Variants in SFSWAP observed in about 807,000 individuals in gnomAD.
SFSWAP encodes the protein splicing factor SWAP, also known as splicing factor, suppressor of white-apricot homolog.
A neutral mutation model predicts 100.7 loss-of-function variants in SFSWAP; 17 were observed. That is an observed-to-expected ratio of 0.17 (90% CI 0.12 to 0.25). The LOEUF (loss-of-function observed/expected upper bound fraction) is 0.25. Ranked by LOEUF, SFSWAP falls within the 10% of genes least tolerant of loss-of-function variation. SFSWAP has a pLI of 1.00. For missense variants in SFSWAP, 1,005 were observed against 1,262.6 expected (o/e 0.80, Z 3.09); for synonymous variants, 504 against 510.1 (o/e 0.99, Z 0.16).
intron 15 of SFSWAP, 33 bp from the exon 16 acceptor site, chr12:131,797,145 G>C (rs1885733897): frequency 6.3e-7 from 1 of 1,589,124 alleles, no homozygotes; most frequent in East Asian, 2.2e-5. Context: ...TTAAACCAAA[G>C]CTGCATCTCT....
Position 131,786,454 on chromosome 12 carries a change from C to A in SFSWAP, c.2409-9C>A. 1 of 1,584,780 alleles carries A rather than the reference C, an allele frequency of 6.3e-7. No individual in the cohort carries two copies. ...CACAGAGCTGAACACTGCCTCCTCC[C>A]CTGTCCAGGTCCCGCTCCCGGTCCC... On this transcript the variant is annotated splice_polypyrimidine_tract_variant and intron_variant, in intron 14 of 17. Transcript: ENST00000261674.
At chr12:131,748,906 T>C (rs1881373191) in intron 7 of SFSWAP, among the ~76,000 whole-genome samples, 1 of 152,238 alleles carries the variant, frequency 6.6e-6, no homozygotes, top group Admixed American at 6.5e-5. Context: ...TACGTCAGCA[T>C]TTAACTTAGT....
rs1053286230 is a variant in SFSWAP at position 131,733,114 on chromosome 12, C to T, written c.1081+4686C>T. On this transcript the variant is annotated intron_variant, in intron 7 of 17. Coordinates refer to ENST00000261674, the MANE Select transcript of SFSWAP (RefSeq NM_004592.4). This position sits in a 1 kb window ranked among gnomAD's most constrained non-coding sequence, Gnocchi z 5.1. ...GGCCCGCGTTTCAGACCACTGCCAA[C>T]CATGGACACCAGAGACAAGACAAAG... 1.3e-5 allele frequency among the ~76,000 whole-genome samples: 2 copies of T among 152,198 alleles called. No homozygotes were observed. The highest frequency in any genetic ancestry group is 6.5e-5 in the Admixed American group (1 of 15,276).
At chr12:131,719,662 T>C (rs1878283139) in intron 4 of SFSWAP, 123 bp downstream of exon 4, 2 of 740,482 alleles carry the variant, frequency 2.7e-6, no homozygotes, top group Middle Eastern at 2.4e-4. Context: ...TAAAATGGTT[T>C]GTGAGTTAAT....
At chr12:131,747,612 A>G (rs1031730597) in intron 7 of SFSWAP, among the ~76,000 whole-genome samples, 13 of 152,126 alleles carry the variant, frequency 8.5e-5, no homozygotes, top group African/African-American at 3.1e-4. Context: ...GAGGCTGTAC[A>G]CATGGAGGGC....
intron 12 of SFSWAP, 71 bp from the exon 13 acceptor site, chr12:131,766,047 C>A: frequency 6.8e-7 from 1 of 1,467,890 alleles, no homozygotes; most frequent in Non-Finnish European, 9.2e-7. Context: ...CTTTTGCAAC[C>A]TGTGAAAATT....
chr12:131,719,670 A>C, intron 4 of SFSWAP, 131 bp downstream of exon 4: 1 of 703,794 alleles, frequency 1.4e-6, no homozygotes, highest in South Asian at 1.8e-5. Flanking sequence ...TTTGTGAGTT[A>C]ATGGAGAAAA....
chr12:131,773,224 T>C (rs926215674), intron 13 of SFSWAP, among the ~76,000 whole-genome samples: 2 of 152,208 alleles, frequency 1.3e-5, no homozygotes, highest in African/African-American at 4.8e-5. Context: ...TCATTCCTAG[T>C]GTGTGTTCGT....
At position 131,730,705 on chromosome 12, in the gene SFSWAP, G is replaced by A. The variant is rs1390525435; in HGVS notation, c.1081+2277G>A. Among the ~76,000 whole-genome samples the A allele has an allele frequency of 6.6e-6, 1 of 152,096 alleles. No individual in the cohort carries two copies. Among genetic ancestry groups the A allele is most frequent in the Non-Finnish European group, 1.5e-5 (1 of 68,004 alleles). ...CCGAGACCACTGATAAGCCGTGACAGCCTCTGCAGGAACCCTAAGCTTACT... is the reference window on the plus strand; with the variant it reads ...CCGAGACCACTGATAAGCCGTGACAACCTCTGCAGGAACCCTAAGCTTACT... On this transcript the variant is annotated intron_variant, in intron 7 of 17. Transcript: ENST00000261674. The surrounding 1 kb of genome is among the most constrained non-coding windows in gnomAD (Gnocchi z 4.0).
At chr12:131,737,126 G>T (rs560542960) in intron 7 of SFSWAP, among the ~76,000 whole-genome samples, 188 of 152,354 alleles carry the variant, frequency 1.2e-3, no homozygotes, top group African/African-American at 4.3e-3. Flanking sequence ...TGCTCTCGCG[G>T]TGGGCTGCAG....
chr12:131,755,486 G>T lies in SFSWAP; in HGVS notation c.1548+7G>T, dbSNP rs1188927348. 5.6e-6 allele frequency: 9 copies of T among 1,597,500 alleles called. No homozygotes were observed. Among genetic ancestry groups the T allele is most frequent in the Non-Finnish European group, 7.7e-6 (9 of 1,165,134 alleles). On this transcript the variant is annotated splice_region_variant and intron_variant, in intron 10 of 17. Transcript: ENST00000261674. ...AGGGGGCGATAGCATGCAGGTACGT[G>T]TCTGAATGCAGGGAGGCTGTGAAGC...
At position 131,778,184 on chromosome 12, in the gene SFSWAP, A is replaced by G. The variant is rs367856010; in HGVS notation, c.2262A>G (p.Lys754=). The change falls in exon 14 of 18, where the codon AAA becomes AAG. Residue 754 remains lysine, a synonymous_variant. Transcript: ENST00000261674. This position sits in a 1 kb window ranked among gnomAD's most constrained non-coding sequence, Gnocchi z 4.2. ...KSKDPPREEE[K]EKKKKKHKKR... is the part of the protein sequence containing the mutation. Reference sequence around the variant, plus strand: ...AAGATCCACCGAGAGAAGAAGAGAAAGAAAAGAAAAAGAAAAAGCACAAAA... The same window carrying G: ...AAGATCCACCGAGAGAAGAAGAGAAGGAAAAGAAAAAGAAAAAGCACAAAA... 1.8e-5 allele frequency: 29 copies of G among 1,613,982 alleles called. No individual in the cohort carries two copies. In the African/African-American group the frequency reaches 3.3e-4, roughly 19 times the overall value.
At chr12:131,785,836 G>C (rs138338900) in intron 14 of SFSWAP, 2 of 153,190 alleles carry the variant, frequency 1.3e-5, no homozygotes, top group African/African-American at 4.8e-5. Flanking sequence ...AAGGTTTCAG[G>C]CTTCATGCCA....
chr12:131,792,189 CTGTG>C (rs1157314762), intron 15 of SFSWAP, among the ~76,000 whole-genome samples: 1 of 149,156 alleles, frequency 6.7e-6, no homozygotes, highest in African/African-American at 2.5e-5. Flanking sequence ...CAGATCATTA[CTGTG>C]TGTGCGCCCG....
Position 131,725,496 on chromosome 12 carries a change from A to G in SFSWAP, c.698A>G (p.Lys233Arg), listed in dbSNP as rs759518540. 9.9e-6 allele frequency: 16 copies of G among 1,614,092 alleles called. No homozygotes were observed. The South Asian group carries it at 1.3e-4, about 13-fold the overall frequency. ...CAGTTTGAGATCATGCTGAAGGCCA[A>G]GCAGGCCCGGAACTCCCAGTTTGAC... ...GAQFEIMLKA[K>R]QARNSQFDFL... Residue 233 changes from lysine (K) to arginine (R), a missense_variant, in exon 5 of 18, where the codon AAG becomes AGG. Transcript: ENST00000261674. This position sits in a 1 kb window ranked among gnomAD's most constrained non-coding sequence, Gnocchi z 4.3.
Position 131,719,471 on chromosome 12 carries a change from A to C in SFSWAP, c.538A>C (p.Asn180His). The C allele has an allele frequency of 6.2e-7, 1 of 1,614,060 alleles. No individual in the cohort carries two copies. The highest frequency in any genetic ancestry group is 8.5e-7 in the Non-Finnish European group (1 of 1,179,996). ...TTATGCAGAAAAAAATGAGGCCGAA[A>C]ATTTAGAGGAAAATGAAGAGCCCTT... ...SKQREKNEAE[N>H]LEENEEPFVA... Residue 180 changes from asparagine (N) to histidine (H), a missense_variant, in exon 4 of 18, where the codon AAT (asparagine) becomes CAT (histidine). By Grantham distance (68) the Asn-to-His change is moderately conservative (BLOSUM62 1). This residue lies in a region of SFSWAP where 237 missense variants were observed against 337.0 expected (regional missense o/e 0.70). Coordinates refer to ENST00000261674, the MANE Select transcript of SFSWAP (RefSeq NM_004592.4).
intron 6 of SFSWAP, among the ~76,000 whole-genome samples, chr12:131,727,952 T>C (rs1046523942): frequency 2.6e-5 from 4 of 152,230 alleles, no homozygotes; most frequent in African/African-American, 7.2e-5. Context: ...GGAAAAGCTA[T>C]TGGTGATTAA....
intron 7 of SFSWAP, among the ~76,000 whole-genome samples, chr12:131,752,541 T>C (rs1881754116): frequency 6.6e-6 from 1 of 152,230 alleles, no homozygotes; most frequent in Non-Finnish European, 1.5e-5. Context: ...TGGGAACTTT[T>C]ATTTACTGAA....
At chr12:131,788,319 C>T (rs1232855887) in intron 15 of SFSWAP, among the ~76,000 whole-genome samples, 1 of 152,200 alleles carries the variant, frequency 6.6e-6, no homozygotes, top group Non-Finnish European at 1.5e-5. Flanking sequence ...GGGTTAGACT[C>T]AGTGCAGTGC....
Sources: allele counts gnomAD v4.1 joint callset (sites outside exome capture counted in the v4.1 genomes callset), GRCh38; gene constraint gnomAD v4.1.1; regional missense constraint gnomAD v4.1.1; non-coding constraint Gnocchi (gnomAD v3.1); transcripts MANE v1.5; gene names NCBI Gene and HGNC (gene_info 2026-07-23, HGNC 2026-07-21).